ELF1: variants seen among roughly 807,000 people sequenced by gnomAD.
ELF1 encodes the protein E74 like ETS transcription factor 1.
A neutral mutation model predicts 59.9 loss-of-function variants in ELF1; 24 were observed. The ratio of observed to expected loss-of-function variants is 0.40; its 90% CI spans 0.29 to 0.56. The LOEUF is 0.56. ELF1 is among the 20% of genes least tolerant of loss of function. The pLI is 0.44. For missense variants in ELF1, 627 were observed against 742.2 expected, an observed-to-expected ratio of 0.84 and a Z score of 1.80; for synonymous variants, 248 against 266.2, an observed-to-expected ratio of 0.93 and a Z score of 0.67.
Position 40,936,117 on chromosome 13 carries a change from C to T in ELF1, c.1257-2089G>A, listed in dbSNP as rs146852904. On this transcript the variant is annotated intron_variant, in intron 8 of 8. Coordinates refer to ENST00000239882, the MANE Select transcript of ELF1 (RefSeq NM_172373.4). ...ACAAATATTATCCCCATCTTACATA[C>T]GAAAACACTGATGCACAAACAGGTT... Among the ~76,000 whole-genome samples the T allele has an allele frequency of 3.6e-3, 545 of 152,174 alleles. 2 individuals carry two copies. Among genetic ancestry groups the T allele is most frequent in the African/African-American group, 0.013 (521 of 41,500 alleles).
intron 1 of ELF1, among the ~76,000 whole-genome samples, chr13:41,036,713 A>G (rs928133294): frequency 1.3e-5 from 2 of 152,234 alleles, no homozygotes; most frequent in African/African-American, 4.8e-5. Context: ...CCAAATGTCC[A>G]ACAATGATAG....
intron 1 of ELF1, among the ~76,000 whole-genome samples, chr13:41,011,565 C>T (rs1875064098): frequency 6.6e-6 from 1 of 151,846 alleles, no homozygotes; most frequent in African/African-American, 2.4e-5. Flanking sequence ...CACCTCAGCT[C>T]CCCAAGTGGC....
At chr13:40,942,521 T>C (rs961666661) in intron 7 of ELF1, among the ~76,000 whole-genome samples, 1 of 152,178 alleles carries the variant, frequency 6.6e-6, no homozygotes, top group Non-Finnish European at 1.5e-5. Flanking sequence ...TGTTTGAGAA[T>C]GCACCCTCTT....
At chr13:40,987,125 AC>A (rs1038718431) in intron 1 of ELF1, among the ~76,000 whole-genome samples, 1 of 149,010 alleles carries the variant, frequency 6.7e-6, no homozygotes, top group African/African-American at 2.5e-5. Context: ...TTTAGTAGAG[AC>A]GGGCTTTCAC....
Position 40,968,129 on chromosome 13 carries a change from C to T in ELF1, c.73-9113G>A, listed in dbSNP as rs149849983. Among the ~76,000 whole-genome samples, 247 of 152,216 alleles carry T rather than the reference C, an allele frequency of 1.6e-3. 2 individuals carry two copies. Among genetic ancestry groups the T allele is most frequent in the African/African-American group, 5.7e-3 (235 of 41,512 alleles). On this transcript the variant is annotated intron_variant, in intron 2 of 8. Transcript: ENST00000239882. ...AAATTCATAAACTGCATGCTTATTA[C>T]CGACATACATTTTTATATTAATGCT...
chr13:41,012,312 CAAAAAA>C (rs56791748), intron 1 of ELF1, among the ~76,000 whole-genome samples: 929 of 65,082 alleles, frequency 0.014, 13 homozygotes, highest in African/African-American at 0.052. Context: ...GACTCTGTCT[CAAAAAA>C]AAAAAAAAAA....
intron 1 of ELF1, among the ~76,000 whole-genome samples, chr13:41,042,024 TTATG>T (rs568959456): frequency 6.6e-6 from 1 of 152,166 alleles, no homozygotes; most frequent in African/African-American, 2.4e-5. Flanking sequence ...ATTTATTTAC[TTATG>T]TATTTATATT....
rs375400990 is a variant in ELF1 at position 40,940,386 on chromosome 13, GAAAAAAAAA to G, written c.1256+526_1256+534del. ...GCTCTGAGGCAAATCTGATTTAACT[GAAAAAAAAA>G]AAAAAAAAAAAAAAAAAAAAAAACA... On this transcript the variant is annotated intron_variant, in intron 8 of 8. Transcript: ENST00000239882. Among the ~76,000 whole-genome samples, 4 of 109,874 alleles carry G rather than the reference GAAAAAAAAA, an allele frequency of 3.6e-5. No individual in the cohort carries two copies. The East Asian group carries it at 1.5e-3, about 42-fold the overall frequency. The allele number at this position is 109,874 out of a possible 152,430, so 72.1% of individuals were successfully genotyped here.
At chr13:40,969,132 T>C (rs1473511245) in intron 2 of ELF1, among the ~76,000 whole-genome samples, 2 of 152,190 alleles carry the variant, frequency 1.3e-5, no homozygotes, top group Admixed American at 1.3e-4. Flanking sequence ...AACATCATAG[T>C]TTTACTGACT....
At chr13:41,041,056 G>T (rs1292580073) in intron 1 of ELF1, among the ~76,000 whole-genome samples, 2 of 152,108 alleles carry the variant, frequency 1.3e-5, no homozygotes, top group African/African-American at 4.8e-5. Flanking sequence ...TGAATGTTAA[G>T]CAGCCAGTCA....
At chr13:41,058,504 C>T (rs539657666) in intron 1 of ELF1, among the ~76,000 whole-genome samples, 28 of 152,336 alleles carry the variant, frequency 1.8e-4, no homozygotes, top group East Asian at 3.8e-4. Context: ...CCATATTCTA[C>T]GTAATGCACA....
intron 1 of ELF1, among the ~76,000 whole-genome samples, chr13:41,013,879 T>C (rs1875217054): frequency 6.6e-6 from 1 of 152,036 alleles, no homozygotes; most frequent in Admixed American, 6.5e-5. Flanking sequence ...AGTTTTATTA[T>C]AAAATTTTAT....
At chr13:41,031,398 C>A (rs1876156680) in intron 1 of ELF1, among the ~76,000 whole-genome samples, 1 of 152,072 alleles carries the variant, frequency 6.6e-6, no homozygotes, top group Non-Finnish European at 1.5e-5. Context: ...AATATTGGGA[C>A]AATCTAGAGA....
At chr13:41,053,040 C>T (rs1593415156) in intron 1 of ELF1, among the ~76,000 whole-genome samples, 1 of 152,246 alleles carries the variant, frequency 6.6e-6, no homozygotes, top group East Asian at 1.9e-4. Flanking sequence ...TTTTTCAGAA[C>T]TGACTCAGAG....
At chr13:41,022,335 T>C (rs148406179), upstream of ELF1, among the ~76,000 whole-genome samples, 270 of 152,310 alleles carry the variant, frequency 1.8e-3, no homozygotes, top group Non-Finnish European at 2.8e-3. Flanking sequence ...TGATTCCATT[T>C]ATATGTGACA....
At chr13:40,961,683 A>G (rs1871832140) in intron 2 of ELF1, among the ~76,000 whole-genome samples, 1 of 152,242 alleles carries the variant, frequency 6.6e-6, no homozygotes, top group South Asian at 2.1e-4. Flanking sequence ...GTAGACATGC[A>G]ATCCCACCTA....
chr13:40,937,712 A>G (rs1593347125), intron 8 of ELF1, among the ~76,000 whole-genome samples: 1 of 151,856 alleles, frequency 6.6e-6, no homozygotes, highest in Non-Finnish European at 1.5e-5. Context: ...CTCGTGATTC[A>G]CCCGCCTCGG....
chr13:41,041,402 G>C (rs1876604551), intron 1 of ELF1, among the ~76,000 whole-genome samples: 1 of 152,026 alleles, frequency 6.6e-6, no homozygotes, highest in Non-Finnish European at 1.5e-5. Context: ...TCCAGAGCCA[G>C]GTGCAGTGGT....
chr13:40,955,296 G>A (rs1478751159), intron 3 of ELF1, among the ~76,000 whole-genome samples: 10 of 144,784 alleles, frequency 6.9e-5, no homozygotes, highest in South Asian at 2.2e-4. Context: ...CCCCCCGCCC[G>A]GCCAGCCGCC....
Sources: allele counts gnomAD v4.1 joint callset (sites outside exome capture counted in the v4.1 genomes callset), GRCh38; gene constraint gnomAD v4.1.1; transcripts MANE v1.5; gene names NCBI Gene and HGNC (gene_info 2026-07-23, HGNC 2026-07-21).